Variants in MIPOL1 observed in about 807,000 individuals in gnomAD.
MIPOL1 encodes mirror-image polydactyly gene 1 protein.
Under a neutral mutation model 60.9 loss-of-function variants are expected in MIPOL1, and 57 were observed. The observed-to-expected ratio is 0.94, with a 90% CI of 0.76 to 1.17. MIPOL1 has a LOEUF of 1.17. Among genes scored for constraint, MIPOL1 ranks in the 50% most tolerant of loss-of-function variants. The pLI, the probability that MIPOL1 is intolerant of heterozygous loss-of-function variation, is 0.00. For synonymous variants in MIPOL1, 179 were observed against 168.8 expected, an observed-to-expected ratio of 1.06 and a Z score of -0.47; for missense variants, 551 against 511.6, an observed-to-expected ratio of 1.08 and a Z score of -0.74.
intron 10 of MIPOL1, among the ~76,000 whole-genome samples, chr14:37,409,694 G>A (rs1312575410): frequency 6.6e-6 from 1 of 152,204 alleles, no homozygotes; most frequent in Non-Finnish European, 1.5e-5. Flanking sequence ...GCTGATGCAG[G>A]AGAATGTCTT....
intron 3 of MIPOL1, 105 bp from the exon 4 acceptor site, chr14:37,266,833 G>T: frequency 1.3e-6 from 1 of 754,454 alleles, no homozygotes; most frequent in Non-Finnish European, 2.2e-6. Context: ...GAAACTATAT[G>T]TTTAAAGCTA....
intron 11 of MIPOL1, among the ~76,000 whole-genome samples, chr14:37,447,078 A>G (rs2094348683): frequency 6.6e-6 from 1 of 151,756 alleles, no homozygotes; most frequent in Non-Finnish European, 1.5e-5. Context: ...GTATAATAAT[A>G]ATAAAATAAA....
intron 3 of MIPOL1, among the ~76,000 whole-genome samples, chr14:37,258,830 A>G (rs540241530): frequency 2.0e-4 from 31 of 152,258 alleles, no homozygotes; most frequent in African/African-American, 7.2e-4. Context: ...TGACTACTTC[A>G]GACTTGGTGA....
At chr14:37,243,272 G>A (rs1868791861) in intron 1 of MIPOL1, among the ~76,000 whole-genome samples, 1 of 152,112 alleles carries the variant, frequency 6.6e-6, no homozygotes, top group African/African-American at 2.4e-5. Flanking sequence ...AGGAACTTGA[G>A]TTATCTGGAG....
intron 11 of MIPOL1, among the ~76,000 whole-genome samples, chr14:37,435,085 C>G (rs1014867903): frequency 6.6e-6 from 1 of 152,060 alleles, no homozygotes; most frequent in African/African-American, 2.4e-5. Context: ...CTTCCTCAAC[C>G]CTGTAGGTAT....
chr14:37,450,122 T>G (rs1164586207), intron 11 of MIPOL1, among the ~76,000 whole-genome samples: 1 of 152,114 alleles, frequency 6.6e-6, no homozygotes, highest in Non-Finnish European at 1.5e-5. Flanking sequence ...CACCTTTCTT[T>G]TTTTTTGGAT....
At chr14:37,358,254 G>A (rs1193809576) in intron 9 of MIPOL1, among the ~76,000 whole-genome samples, 5 of 152,130 alleles carry the variant, frequency 3.3e-5, no homozygotes, top group Admixed American at 2.6e-4. Flanking sequence ...GGGCATTTGA[G>A]TTCATTCCAA....
Position 37,284,554 on chromosome 14 carries a change from G to A in MIPOL1, c.494-764G>A, listed in dbSNP as rs556877478. 5.9e-5 allele frequency among the ~76,000 whole-genome samples: 9 copies of A among 151,878 alleles called. No homozygotes were observed. The South Asian group carries it at 1.0e-3, about 18-fold the overall frequency. ...GAGACGGGGTTTCACCATGTTAGCC[G>A]GGATGGTCTCGATCTCCTGACCTGG... On this transcript the variant is annotated intron_variant, in intron 6 of 12. Transcript: ENST00000684589.
At position 37,517,454 on chromosome 14, in the gene MIPOL1, C is replaced by A. The variant is rs534551350; in HGVS notation, c.1262+17316C>A. 6.6e-5 allele frequency among the ~76,000 whole-genome samples: 10 copies of A among 152,122 alleles called. No homozygotes were observed. In the South Asian group the frequency reaches 2.1e-3, roughly 32 times the overall value. On this transcript the variant is annotated intron_variant, in intron 12 of 12. Coordinates refer to ENST00000684589, the MANE Select transcript of MIPOL1 (RefSeq NM_001388067.1). ...CATTCTCATACATTACTGGTGAGAACGTGAAATGGTAAAACCCCTATGGAG... is the reference window on the plus strand; with the variant it reads ...CATTCTCATACATTACTGGTGAGAAAGTGAAATGGTAAAACCCCTATGGAG...
chr14:37,535,310 T>C (rs1189198940), intron 12 of MIPOL1, among the ~76,000 whole-genome samples: 1 of 152,196 alleles, frequency 6.6e-6, no homozygotes, highest in African/African-American at 2.4e-5. Context: ...ATATCTAATC[T>C]AAGGACAGTT....
At chr14:37,393,064 A>G (rs1369991969) in intron 10 of MIPOL1, among the ~76,000 whole-genome samples, 1 of 152,116 alleles carries the variant, frequency 6.6e-6, no homozygotes, top group Non-Finnish European at 1.5e-5. Context: ...GATACAAAAG[A>G]CACAGGAAAA....
chr14:37,522,682 A>G (rs1236993657), intron 12 of MIPOL1, among the ~76,000 whole-genome samples: 1 of 152,170 alleles, frequency 6.6e-6, no homozygotes, highest in African/African-American at 2.4e-5. Flanking sequence ...GAATCCAAAA[A>G]AAGTATGTTG....
At chr14:37,498,429 C>G (rs907899093) in intron 11 of MIPOL1, among the ~76,000 whole-genome samples, 1 of 151,912 alleles carries the variant, frequency 6.6e-6, no homozygotes, top group Non-Finnish European at 1.5e-5. Context: ...TTTCTTGCAT[C>G]TTTCATGGAG....
chr14:37,314,538 A>C (rs1408743215), intron 9 of MIPOL1, among the ~76,000 whole-genome samples: 3 of 152,130 alleles, frequency 2.0e-5, no homozygotes, highest in Admixed American at 6.6e-5. Flanking sequence ...ACTAGAACAT[A>C]CTTCCTCTCT....
At chr14:37,215,051 G>C (rs139389975) in intron 1 of MIPOL1, among the ~76,000 whole-genome samples, 2,230 of 152,168 alleles carry the variant, frequency 0.015, 54 homozygotes, top group African/African-American at 0.051. Context: ...TGTACACCTG[G>C]CTCTGCCTTC....
At chr14:37,458,509 C>T (rs1455106426) in intron 11 of MIPOL1, among the ~76,000 whole-genome samples, 2 of 152,054 alleles carry the variant, frequency 1.3e-5, no homozygotes, top group African/African-American at 4.8e-5. Context: ...GAAATCAATA[C>T]CAAGAGGAAC....
chr14:37,407,128 G>A (rs999275363), intron 10 of MIPOL1, among the ~76,000 whole-genome samples: 3 of 152,092 alleles, frequency 2.0e-5, no homozygotes, highest in African/African-American at 7.2e-5. Context: ...TAAAAATATA[G>A]AGTTGTTAAA....
chr14:37,441,788 C>G (rs1566611042), intron 11 of MIPOL1, among the ~76,000 whole-genome samples: 2 of 151,786 alleles, frequency 1.3e-5, no homozygotes, highest in Non-Finnish European at 2.9e-5. Flanking sequence ...ATTGTTTTTC[C>G]CAATTCTATG....
At chr14:37,293,649 C>G (rs2085315683) in intron 7 of MIPOL1, among the ~76,000 whole-genome samples, 1 of 152,194 alleles carries the variant, frequency 6.6e-6, no homozygotes, top group African/African-American at 2.4e-5. Flanking sequence ...AAACGGCACA[C>G]CAGGAGATTA....
Sources: gnomAD v4.1 joint callset for allele counts (sites outside exome capture counted in the v4.1 genomes callset) on GRCh38, gnomAD v4.1.1 for gene constraint, MANE v1.5 for transcripts, NCBI Gene and HGNC (gene_info 2026-07-23, HGNC 2026-07-21) for gene names.